DMD: variants seen among roughly 807,000 people sequenced by gnomAD.
DMD encodes the protein mutant dystrophin.
A neutral mutation model predicts 330.1 loss-of-function variants in DMD; 63 were observed. That is an observed-to-expected ratio of 0.19 (90% confidence interval 0.16 to 0.24). The LOEUF is 0.24. DMD is among the 10% of genes least tolerant of loss of function. The probability of loss-of-function intolerance (pLI) is 1.00; values close to 1 mark genes in which losing one functional copy is unlikely to be tolerated. For synonymous variants in DMD, 1,223 were observed against 959.8 expected, an observed-to-expected ratio of 1.27 and a Z score of -5.07; for missense variants, 3,344 against 2,684.1, an observed-to-expected ratio of 1.25 and a Z score of -5.43.
chrX:31,654,772 G>A (rs1035935216), intron 54 of DMD, among the ~76,000 whole-genome samples: 4 of 110,933 alleles, frequency 3.6e-5, no homozygotes, highest in African/African-American at 1.3e-4. Context: ...GTGGAGGGTG[G>A]GAGGAGCGAG....
intron 7 of DMD, among the ~76,000 whole-genome samples, chrX:32,718,810 C>A (rs1052123093): frequency 1.1e-4 from 12 of 111,852 alleles, no homozygotes; most frequent in Non-Finnish European, 1.9e-4. Context: ...AAAGACTTTC[C>A]TTATTGCTCT....
At chrX:31,572,516 G>A (rs904430259) in intron 55 of DMD, among the ~76,000 whole-genome samples, 4 of 112,103 alleles carry the variant, frequency 3.6e-5, no homozygotes, top group Admixed American at 1.9e-4. Context: ...TCTTGCCAAG[G>A]TGGTATGCCA....
rs760869347 is a variant in DMD, at chrX:31,836,368, T to C, written c.7200+350A>G. Reference sequence around the variant, plus strand: ...AGACACTATGATGCAGTAGCTTGATTTGAATTAAACCAAACAATATGAAAA... The same window carrying C: ...AGACACTATGATGCAGTAGCTTGATCTGAATTAAACCAAACAATATGAAAA... On this transcript the variant is annotated intron_variant, in intron 49 of 78. Coordinates refer to ENST00000357033, the MANE Select transcript of DMD (RefSeq NM_004006.3). Among the ~76,000 whole-genome samples the C allele has an allele frequency of 2.7e-5, 3 of 112,122 alleles. No individual in the cohort carries two copies. The South Asian group carries it at 1.1e-3, about 41-fold the overall frequency.
chrX:31,729,777 G>A, intron 51 of DMD, 29 bp from the exon 52 acceptor site: 2 of 1,112,545 alleles, frequency 1.8e-6, no homozygotes, highest in Non-Finnish European at 2.5e-6. Flanking sequence ...CTTAGTATCA[G>A]GGTTCTTCAG....
intron 51 of DMD, among the ~76,000 whole-genome samples, chrX:31,735,448 C>T (rs1353611083): frequency 8.9e-6 from 1 of 111,732 alleles, no homozygotes; most frequent in Non-Finnish European, 1.9e-5. Context: ...GTGATGGTTC[C>T]ATGACACTAC....
chrX:31,183,476 C>G (rs2041382792), intron 67 of DMD, among the ~76,000 whole-genome samples: 1 of 111,285 alleles, frequency 9.0e-6, no homozygotes, highest in African/African-American at 3.3e-5. Flanking sequence ...TCCAAACCTC[C>G]TGGCTTAGCG....
intron 41 of DMD, among the ~76,000 whole-genome samples, chrX:32,338,558 C>T (rs1018205714): frequency 9.0e-6 from 1 of 111,019 alleles, no homozygotes; most frequent in Admixed American, 9.7e-5. Flanking sequence ...ACTTAATATC[C>T]TTTGGTGATT....
At chrX:31,530,518 T>C (rs888715692) in intron 55 of DMD, among the ~76,000 whole-genome samples, 1 of 110,108 alleles carries the variant, frequency 9.1e-6, no homozygotes, top group African/African-American at 3.3e-5. Context: ...GAGTAAATGA[T>C]TGGATACATT....
intron 1 of DMD, among the ~76,000 whole-genome samples, chrX:33,319,801 A>AT (rs1268573352): frequency 9.0e-6 from 1 of 111,550 alleles, no homozygotes; most frequent in Non-Finnish European, 1.9e-5. Context: ...AGTTTCTTTC[A>AT]TTTTTTCCAT....
intron 1 of DMD, among the ~76,000 whole-genome samples, chrX:33,030,667 T>A (rs1191820821): frequency 9.0e-6 from 1 of 111,693 alleles, no homozygotes; most frequent in East Asian, 2.8e-4. Context: ...TCCAGTGTAA[T>A]TTAGAGGTGA....
At chrX:31,478,419 T>G in intron 58 of DMD, 45 bp from the exon 59 acceptor site, 3 of 1,204,298 alleles carry the variant, frequency 2.5e-6, no homozygotes, top group Middle Eastern at 2.3e-4. Context: ...TTCTTTTTTT[T>G]TAAACATTGT....
intron 7 of DMD, among the ~76,000 whole-genome samples, chrX:32,731,008 T>C (rs949589776): frequency 5.4e-5 from 6 of 111,511 alleles, no homozygotes; most frequent in Admixed American, 1.9e-4. Flanking sequence ...ACCAGGTTCA[T>C]CTCACTAGGG....
chrX:32,284,648 T>C (rs1339127149), intron 43 of DMD, among the ~76,000 whole-genome samples: 2 of 112,048 alleles, frequency 1.8e-5, no homozygotes, highest in East Asian at 5.6e-4. Context: ...TCCTATTTTA[T>C]ACATCAGAAA....
intron 1 of DMD, among the ~76,000 whole-genome samples, chrX:33,104,179 C>G (rs892456453): frequency 2.7e-5 from 3 of 112,019 alleles, no homozygotes; most frequent in Non-Finnish European, 5.6e-5. Context: ...TTTACAAATT[C>G]TAAATGAGTT....
chrX:32,424,462 G>C (rs919544681), intron 29 of DMD, among the ~76,000 whole-genome samples: 2 of 111,254 alleles, frequency 1.8e-5, no homozygotes, highest in African/African-American at 6.5e-5. Context: ...ATCTATAAAA[G>C]TGAGCCTAAA....
intron 55 of DMD, among the ~76,000 whole-genome samples, chrX:31,546,520 T>C (rs2074149761): frequency 8.9e-6 from 1 of 112,469 alleles, no homozygotes; most frequent in Non-Finnish European, 1.9e-5. Context: ...CTTCCCAAAC[T>C]AAGGTGCTGA....
intron 7 of DMD, among the ~76,000 whole-genome samples, chrX:32,800,036 C>T (rs189295045): frequency 9.0e-6 from 1 of 111,713 alleles, no homozygotes; most frequent in East Asian, 2.8e-4. Context: ...ATCAACAAAG[C>T]TTATGTTTAA....
intron 60 of DMD, among the ~76,000 whole-genome samples, chrX:31,374,493 T>TA (rs1208589814): frequency 0.049 from 5,363 of 108,839 alleles, 380 homozygotes; most frequent in African/African-American, 0.17. Context: ...TATGCAGCCA[T>TA]AAAAAATGAT....
intron 44 of DMD, among the ~76,000 whole-genome samples, chrX:32,024,169 T>C (rs145740153): frequency 8.9e-6 from 1 of 112,319 alleles, no homozygotes; most frequent in East Asian, 2.8e-4. Flanking sequence ...ATGATGATCA[T>C]GCATGTGTAC....
Sources: allele counts gnomAD v4.1 joint callset (sites outside exome capture counted in the v4.1 genomes callset), GRCh38; gene constraint gnomAD v4.1.1; transcripts MANE v1.5; gene names NCBI Gene and HGNC (gene_info 2026-07-23, HGNC 2026-07-21).